The following AKAP7 variants were observed in gnomAD, a reference collection of about 807,000 sequenced individuals.
The protein encoded by AKAP7 is A kinase (PRKA) anchor protein 7.
A neutral mutation model predicts 39.5 loss-of-function variants in AKAP7; 39 were observed. The ratio of observed to expected loss-of-function variants is 0.99; its 90% CI spans 0.76 to 1.29. AKAP7 has a LOEUF of 1.29. Among genes scored for constraint, AKAP7 ranks in the 50% most tolerant of loss-of-function variants. The probability of loss-of-function intolerance (pLI) is 0.00; values close to 1 mark genes in which losing one functional copy is unlikely to be tolerated. For synonymous variants in AKAP7, 140 were observed against 139.1 expected (o/e 1.01, Z -0.05); for missense variants, 414 against 407.7 (o/e 1.02, Z -0.13).
chr6:131,246,635 G>GT (rs145728187), intron 7 of AKAP7, among the ~76,000 whole-genome samples: 198 of 152,178 alleles, frequency 1.3e-3, no homozygotes, highest in African/African-American at 4.6e-3. Flanking sequence ...TAATTGAGTC[G>GT]TTTTTCCAAG....
At chr6:131,169,053 T>G in intron 4 of AKAP7, 60 bp from the exon 5 acceptor site, 2 of 1,390,540 alleles carry the variant, frequency 1.4e-6, no homozygotes, top group Non-Finnish European at 2.0e-6. Flanking sequence ...TTGTATCTTA[T>G]TTGGTTTTGT....
chr6:131,222,519 T>C (rs1379461398), intron 7 of AKAP7, among the ~76,000 whole-genome samples: 1 of 151,744 alleles, frequency 6.6e-6, no homozygotes, highest in Non-Finnish European at 1.5e-5. Context: ...AAAGTGACAC[T>C]CATCTCAAAA....
chr6:131,244,625 A>G (rs1285839184), intron 7 of AKAP7, among the ~76,000 whole-genome samples: 1 of 152,230 alleles, frequency 6.6e-6, no homozygotes. Context: ...CACACATAGA[A>G]AAGAACTGAC....
chr6:131,185,814 A>T (rs1746474), intron 5 of AKAP7, among the ~76,000 whole-genome samples: 5 of 151,934 alleles, frequency 3.3e-5, no homozygotes, highest in African/African-American at 4.8e-5. Context: ...AAAGTTTTAA[A>T]TTTTTATGTA....
chr6:131,282,584 T>A lies in AKAP7; in HGVS notation c.*858T>A, dbSNP rs1454998322. On this transcript the variant is annotated 3_prime_UTR_variant, in exon 8 of 8. Transcript: ENST00000431975. ...CAGTAATTCAGCAAATGACGTTGAT[T>A]TCAGCACAACTTTGACATAAGCTCT... 30 of 1,535,492 alleles carry A rather than the reference T, an allele frequency of 2.0e-5. No individual in the cohort carries two copies. Among genetic ancestry groups the A allele is most frequent in the Non-Finnish European group, 2.4e-5 (28 of 1,146,618 alleles).
At chr6:131,272,961 C>T (rs1367539468) in intron 7 of AKAP7, among the ~76,000 whole-genome samples, 1 of 152,102 alleles carries the variant, frequency 6.6e-6, no homozygotes, top group East Asian at 1.9e-4. Flanking sequence ...AATTGTGTAT[C>T]ATCTATTAAC....
chr6:131,160,381 T>C (rs1802833389), intron 3 of AKAP7, among the ~76,000 whole-genome samples, 183 bp downstream of exon 3: 1 of 152,166 alleles, frequency 6.6e-6, no homozygotes, highest in Non-Finnish European at 1.5e-5. Context: ...GTTTGGAAAA[T>C]ATCATTTGTT....
chr6:131,266,776 G>T (rs180726820), intron 7 of AKAP7, among the ~76,000 whole-genome samples: 14 of 151,952 alleles, frequency 9.2e-5, no homozygotes, highest in Non-Finnish European at 1.2e-4. Flanking sequence ...GGCCAAAGAT[G>T]ACCCTTTCTC....
intron 6 of AKAP7, among the ~76,000 whole-genome samples, chr6:131,206,439 G>A (rs1378381944): frequency 6.6e-6 from 1 of 152,164 alleles, no homozygotes; most frequent in Non-Finnish European, 1.5e-5. Context: ...AGTAAGGGCT[G>A]AAGGGTGATC....
intron 7 of AKAP7, among the ~76,000 whole-genome samples, chr6:131,267,323 A>T (rs1025150170): frequency 3.3e-5 from 5 of 152,170 alleles, no homozygotes; most frequent in African/African-American, 1.2e-4. Flanking sequence ...ATGTTTTCCC[A>T]TAAAATAATA....
intron 5 of AKAP7, among the ~76,000 whole-genome samples, chr6:131,188,432 A>G (rs549915794): frequency 3.9e-5 from 6 of 152,378 alleles, no homozygotes; most frequent in East Asian, 1.9e-4. Flanking sequence ...TATATGTGAC[A>G]CAATTTTAGC....
chr6:131,237,171 T>C (rs867132815), intron 7 of AKAP7, among the ~76,000 whole-genome samples: 26 of 152,156 alleles, frequency 1.7e-4, no homozygotes, highest in Admixed American at 3.9e-4. Context: ...AATCATGTGG[T>C]TTTTGTCGTT....
chr6:131,157,342 G>A (rs1236554832), intron 2 of AKAP7, among the ~76,000 whole-genome samples: 1 of 152,150 alleles, frequency 6.6e-6, no homozygotes, highest in African/African-American at 2.4e-5. Flanking sequence ...GCTAGTATGT[G>A]GGAGAGCCAG....
intron 1 of AKAP7, among the ~76,000 whole-genome samples, chr6:131,144,354 G>A (rs928204422): frequency 3.3e-5 from 5 of 152,196 alleles, no homozygotes; most frequent in Non-Finnish European, 7.3e-5. Flanking sequence ...AATGGACTAT[G>A]TTTTACAGGT....
intron 5 of AKAP7, among the ~76,000 whole-genome samples, chr6:131,176,718 G>A (rs78321642): frequency 0.027 from 4,038 of 152,066 alleles, 178 homozygotes; most frequent in African/African-American, 0.093. Flanking sequence ...ACTACATTCC[G>A]TGTTTTCTGC....
chr6:131,174,781 C>T (rs1231950489), intron 5 of AKAP7, among the ~76,000 whole-genome samples: 1 of 152,172 alleles, frequency 6.6e-6, no homozygotes, highest in Non-Finnish European at 1.5e-5. Flanking sequence ...TATGCCTACA[C>T]AGGAATATTA....
intron 5 of AKAP7, among the ~76,000 whole-genome samples, chr6:131,182,059 G>A (rs1202382718): frequency 6.6e-6 from 1 of 152,082 alleles, no homozygotes; most frequent in East Asian, 1.9e-4. Flanking sequence ...CCAAGAGGCA[G>A]CGGTTGTAGT....
At chr6:131,225,140 A>G (rs1346772392) in intron 7 of AKAP7, among the ~76,000 whole-genome samples, 3 of 152,132 alleles carry the variant, frequency 2.0e-5, no homozygotes, top group Non-Finnish European at 4.4e-5. Flanking sequence ...GAGGATTTCA[A>G]TACAGTCATT....
intron 5 of AKAP7, among the ~76,000 whole-genome samples, chr6:131,186,481 C>T (rs79566735): frequency 1.3e-5 from 2 of 152,028 alleles, no homozygotes; most frequent in African/African-American, 4.8e-5. Context: ...TGTCTTTTCT[C>T]ATTGAATGAT....
Sources: allele counts gnomAD v4.1 joint callset (sites outside exome capture counted in the v4.1 genomes callset), GRCh38; gene constraint gnomAD v4.1.1; transcripts MANE v1.5; gene names NCBI Gene and HGNC (gene_info 2026-07-23, HGNC 2026-07-21).